Variants in CDCA8 observed in about 807,000 individuals in gnomAD.
CDCA8 encodes cell division cycle associated 8.
In CDCA8, 25 loss-of-function variants were observed where a neutral mutation model predicts 40.0. The observed-to-expected ratio is 0.63, with a 90% CI of 0.46 to 0.87. The LOEUF (loss-of-function observed/expected upper bound fraction) is 0.87. Among genes scored for constraint, CDCA8 ranks in the 40% least tolerant of loss-of-function variants. CDCA8 has a pLI of 0.00. For missense variants in CDCA8, 280 were observed against 348.4 expected (o/e 0.80, Z 1.56); for synonymous variants, 111 against 126.5 (o/e 0.88, Z 0.82).
chr1:37,699,780 C>T (rs1645551336), intron 4 of CDCA8, among the ~76,000 whole-genome samples: 1 of 151,954 alleles, frequency 6.6e-6, no homozygotes, highest in Non-Finnish European at 1.5e-5. Context: ...ATTAGCCGGG[C>T]GTGGTGGCGG....
At chr1:37,694,553 A>G (rs929474908) in intron 2 of CDCA8, among the ~76,000 whole-genome samples, 1 of 152,272 alleles carries the variant, frequency 6.6e-6, no homozygotes, top group African/African-American at 2.4e-5. Context: ...TATAGGTACT[A>G]CAAAGGAGAT....
In CDCA8 at chr1:37,708,694, G is replaced by T. The variant is rs7526362; in HGVS notation, c.*328G>T. On this transcript the variant is annotated 3_prime_UTR_variant, in exon 10 of 10. Coordinates refer to ENST00000373055, the MANE Select transcript of CDCA8 (RefSeq NM_001256875.2). The stretch of plus-strand genomic sequence containing the variant: ...ACATCCTCTTCACCCTGCCCTGCCT[G>T]CAGTTGAGGGGGCGAAGAAGAACCC... 0.24 allele frequency: 87,117 copies of T among 362,998 alleles called. 13,258 individuals carry two copies. Among genetic ancestry groups the T allele is most frequent in the East Asian group, 0.67 (11,936 of 17,840 alleles). The allele number at this position is 362,998 out of a possible 1,614,324, so 22.5% of individuals were successfully genotyped here. A position where few individuals can be genotyped will look rare whatever the true frequency, so the allele number is the denominator to read the frequency against.
rs1038155131 is a variant in CDCA8, at chr1:37,696,720, T to C, written c.264+770T>C. Among the ~76,000 whole-genome samples, 2 of 152,222 alleles carry C rather than the reference T, an allele frequency of 1.3e-5. No homozygotes were observed. Among genetic ancestry groups the C allele is most frequent in the Middle Eastern group, 3.2e-3 (1 of 316 alleles). On this transcript the variant is annotated intron_variant, in intron 3 of 9. Coordinates refer to ENST00000373055, the MANE Select transcript of CDCA8 (RefSeq NM_001256875.2). The surrounding 1 kb of genome is among the most constrained non-coding windows in gnomAD (Gnocchi z 5.0). ...ACGCATTTGTGTATCTTTCTGTTAGTTTATTGTAGCCTTGATCAGATTTAC... is the reference window on the plus strand; with the variant it reads ...ACGCATTTGTGTATCTTTCTGTTAGCTTATTGTAGCCTTGATCAGATTTAC...
chr1:37,707,147 C>G (rs1252583621), intron 9 of CDCA8, 83 bp downstream of exon 9: 2 of 1,015,854 alleles, frequency 2.0e-6, no homozygotes, highest in African/African-American at 3.2e-5. Context: ...TCTTTTGGGC[C>G]TGGGCTAATA....
At position 37,703,477 on chromosome 1, in the gene CDCA8, AGGCC is replaced by A. The variant is rs921990616; in HGVS notation, c.584+132_584+135del. The A allele has an allele frequency of 4.3e-6, 3 of 695,246 alleles. No individual in the cohort carries two copies. The African/African-American group carries it at 5.2e-5, about 12-fold the overall frequency. The allele number at this position is 695,246 out of a possible 1,614,324, so 43.1% of individuals were successfully genotyped here. ...ACGCCTGTAATACCAGCACTTTGAG[AGGCC>A]GAGGCAGGCGGATCACTTGAGGTCA... On this transcript the variant is annotated intron_variant, in intron 7 of 9. Coordinates refer to ENST00000373055, the MANE Select transcript of CDCA8 (RefSeq NM_001256875.2).
At chr1:37,705,379 G>A in intron 7 of CDCA8, 62 bp from the exon 8 acceptor site, 1 of 1,550,854 alleles carries the variant, frequency 6.4e-7, no homozygotes, top group Non-Finnish European at 8.9e-7. Flanking sequence ...GGTTAAAATG[G>A]CCTATAGAGT....
rs757685321 is a variant in CDCA8, at chr1:37,692,730, AACTCCTTACGGAGGCGGAAGCTCG to A, written c.41_64del (p.Asn14_Ala22delinsThr). 1 of 1,613,438 alleles carries A rather than the reference AACTCCTTACGGAGGCGGAAGCTCG, an allele frequency of 6.2e-7. No individual in the cohort carries two copies. The highest frequency in any genetic ancestry group is 8.5e-7 in the Non-Finnish European group (1 of 1,179,998). On this transcript the variant is annotated inframe_deletion, in exon 1 of 10. Coordinates refer to ENST00000373055, the MANE Select transcript of CDCA8 (RefSeq NM_001256875.2). ...GGGCAGTAGTCGGGTGGCCAAGACC[AACTCCTTACGGAGGCGGAAGCTCG>A]CCTCCTTTCTGAAAGACTTCGACCG...
At position 37,692,630 on chromosome 1, in the gene CDCA8, T is replaced by C; in HGVS notation, c.-61T>C. On this transcript the variant is annotated 5_prime_UTR_variant, in exon 1 of 10. Coordinates refer to ENST00000373055, the MANE Select transcript of CDCA8 (RefSeq NM_001256875.2). Reference sequence around the variant, plus strand: ...GGTCCCCGTCCGCCCTCCTCGTCCCTACCCAGTTTCTTGCTTCCCTGCCCC... The same window carrying C: ...GGTCCCCGTCCGCCCTCCTCGTCCCCACCCAGTTTCTTGCTTCCCTGCCCC... 2.9e-6 allele frequency: 4 copies of C among 1,364,900 alleles called. No homozygotes were observed. Among genetic ancestry groups the C allele is most frequent in the Middle Eastern group, 2.4e-4 (1 of 4,176 alleles). The allele number at this position is 1,364,900 out of a possible 1,614,324, so 84.5% of individuals were successfully genotyped here.
intron 2 of CDCA8, among the ~76,000 whole-genome samples, chr1:37,693,484 C>T (rs1275819299): frequency 6.6e-6 from 1 of 152,158 alleles, no homozygotes; most frequent in African/African-American, 2.4e-5. Context: ...CTGCAACCTC[C>T]ACCTTCTGGG....
rs527695278 is a variant in CDCA8 at position 37,701,689 on chromosome 1, A to AAC, written c.424-65_424-64insAC. The stretch of plus-strand genomic sequence containing the variant: ...TTAATGCTTTAAAAAAAAAAAAAAA[A>AAC]CCCTCCTTACCTTCCTCTTTGCTGG... On this transcript the variant is annotated intron_variant, in intron 5 of 9. Transcript: ENST00000373055. 8,231 of 962,118 alleles carry AAC rather than the reference A, an allele frequency of 8.6e-3. 34 individuals carry two copies. The highest frequency in any genetic ancestry group is 9.6e-3 in the Non-Finnish European group (6,078 of 633,534). The allele number at this position is 962,118 out of a possible 1,614,324, so 59.6% of individuals were successfully genotyped here. A position where few individuals can be genotyped will look rare whatever the true frequency, so the allele number is the denominator to read the frequency against.
intron 6 of CDCA8, among the ~76,000 whole-genome samples, chr1:37,702,579 T>C (rs1285932767): frequency 4.6e-5 from 7 of 152,126 alleles, no homozygotes; most frequent in Admixed American, 3.3e-4. Flanking sequence ...TCTTGAGCAG[T>C]GCAGCAGCTG....
At chr1:37,706,715 G>T (rs1161649466) in intron 8 of CDCA8, among the ~76,000 whole-genome samples, 1 of 152,242 alleles carries the variant, frequency 6.6e-6, no homozygotes. Flanking sequence ...GCCCCTGTGA[G>T]GGGAGGACGG....
rs1316771386 is a variant in CDCA8 at position 37,708,871 on chromosome 1, T to C, written c.*505T>C. On this transcript the variant is annotated 3_prime_UTR_variant, in exon 10 of 10. Coordinates refer to ENST00000373055, the MANE Select transcript of CDCA8 (RefSeq NM_001256875.2). ...TAGGTCCAGAAGGTGGGGGGAACTG[T>C]ACAGATCAGCAGAGCAGGACAGTTG... The C allele has an allele frequency of 2.6e-5, 5 of 195,058 alleles. No homozygotes were observed. The highest frequency in any genetic ancestry group is 5.4e-5 in the Non-Finnish European group (5 of 93,148). The allele number at this position is 195,058 out of a possible 1,614,324, so 12.1% of individuals were successfully genotyped here.
intron 4 of CDCA8, 130 bp downstream of exon 4, chr1:37,699,107 C>A: frequency 1.6e-6 from 1 of 630,134 alleles, no homozygotes; most frequent in South Asian, 2.0e-5. Flanking sequence ...CTTGTAAATC[C>A]AAAAACTTGC....
chr1:37,705,788 GTTTTGT>G (rs1395900533), intron 8 of CDCA8, among the ~76,000 whole-genome samples: 1 of 147,150 alleles, frequency 6.8e-6, no homozygotes, highest in Non-Finnish European at 1.5e-5. Context: ...CTGTTTTTTG[GTTTTGT>G]TTTTGTTTTT....
intron 3 of CDCA8, 46 bp downstream of exon 3, chr1:37,695,996 G>A (rs1645524196): frequency 2.1e-5 from 32 of 1,555,306 alleles, no homozygotes; most frequent in Non-Finnish European, 2.8e-5. Flanking sequence ...CTTAAGTCTA[G>A]TCCAGTCCCC....
chr1:37,692,710 G>A lies in CDCA8; in HGVS notation c.20G>A (p.Ser7Asn). Reference sequence around the variant, plus strand: ...AGCGCCATGGCTCCTAGGAAGGGCAGTAGTCGGGTGGCCAAGACCAACTCC... The same window carrying A: ...AGCGCCATGGCTCCTAGGAAGGGCAATAGTCGGGTGGCCAAGACCAACTCC... Reference protein sequence around the residue: MAPRKGSSRVAKTNSLR... With the variant: MAPRKGNSRVAKTNSLR... The change falls in exon 1 of 10, where the codon AGT (serine) becomes AAT (asparagine). Residue 7 changes from serine (S) to asparagine (N), a missense_variant. By Grantham distance (46) the Ser-to-Asn change is conservative. Coordinates refer to ENST00000373055, the MANE Select transcript of CDCA8 (RefSeq NM_001256875.2). 1.9e-6 allele frequency: 3 copies of A among 1,613,258 alleles called. No individual in the cohort carries two copies. Among genetic ancestry groups the A allele is most frequent in the Non-Finnish European group, 2.5e-6 (3 of 1,179,964 alleles).
At chr1:37,693,973 ACTAAAAAT>A (rs1645505967) in intron 2 of CDCA8, among the ~76,000 whole-genome samples, 1 of 152,150 alleles carries the variant, frequency 6.6e-6, no homozygotes, top group Non-Finnish European at 1.5e-5. Flanking sequence ...CCCTGTCTCT[ACTAAAAAT>A]ACAAAAAAGT....
chr1:37,703,733 T>C (rs867953004), intron 7 of CDCA8, among the ~76,000 whole-genome samples: 7 of 151,834 alleles, frequency 4.6e-5, no homozygotes, highest in South Asian at 2.1e-4. Flanking sequence ...GAAAAGAAAA[T>C]AGTCCCGAGT....
Sources: gnomAD v4.1 joint callset for allele counts (sites outside exome capture counted in the v4.1 genomes callset) on GRCh38, gnomAD v4.1.1 for gene constraint, Gnocchi (gnomAD v3.1) non-coding constraint, MANE v1.5 for transcripts, NCBI Gene and HGNC (gene_info 2026-07-23, HGNC 2026-07-21) for gene names.